The following KIAA1217 variants were observed in gnomAD, a reference collection of about 807,000 sequenced individuals.
KIAA1217 encodes the protein sickle tail protein homolog.
In KIAA1217, 88 loss-of-function variants were observed where a neutral mutation model predicts 163.9. That is an observed-to-expected ratio of 0.54 (90% CI 0.45 to 0.64). The LOEUF is 0.64. KIAA1217 is among the 30% of genes least tolerant of loss of function. KIAA1217 has a pLI of 0.00. For synonymous variants in KIAA1217, 903 were observed against 923.1 expected (o/e 0.98, Z 0.39); for missense variants, 2,372 against 2,475.0 (o/e 0.96, Z 0.88).
chr10:24,158,810 G>A (rs1267744729), intron 2 of KIAA1217: 2 of 428,510 alleles, frequency 4.7e-6, no homozygotes, highest in African/African-American at 2.1e-5. Context: ...CAAGGAGGAG[G>A]TTGTTACACT....
chr10:23,942,556 G>GC (rs1564552336), intron 1 of KIAA1217, among the ~76,000 whole-genome samples: 1 of 152,142 alleles, frequency 6.6e-6, no homozygotes, highest in Admixed American at 6.5e-5. Flanking sequence ...AGAAATAGTA[G>GC]CCCCCCAAAT....
intron 1 of KIAA1217, among the ~76,000 whole-genome samples, chr10:23,746,298 G>A (rs1839413260): frequency 6.6e-6 from 1 of 152,192 alleles, no homozygotes; most frequent in South Asian, 2.1e-4. Flanking sequence ...GCCATGAGTG[G>A]AAGCAGCTGA....
At chr10:24,462,440 G>A (rs570219420) in intron 5 of KIAA1217, among the ~76,000 whole-genome samples, 1 of 152,304 alleles carries the variant, frequency 6.6e-6, no homozygotes, top group South Asian at 2.1e-4. Context: ...GCGTGGGCAG[G>A]CATGAGGAAC....
intron 2 of KIAA1217, among the ~76,000 whole-genome samples, chr10:24,341,711 T>C (rs1048837035): frequency 1.3e-5 from 2 of 152,194 alleles, no homozygotes; most frequent in Non-Finnish European, 2.9e-5. Flanking sequence ...ATGAAACTGG[T>C]TTTCAGGAGA....
At chr10:23,873,468 TC>T (rs1267239695) in intron 1 of KIAA1217, among the ~76,000 whole-genome samples, 1 of 152,020 alleles carries the variant, frequency 6.6e-6, no homozygotes, top group Non-Finnish European at 1.5e-5. Context: ...ACATACTGCA[TC>T]CGGCCTTACT....
intron 1 of KIAA1217, among the ~76,000 whole-genome samples, chr10:23,724,776 A>G (rs1201689574): frequency 6.6e-6 from 1 of 152,204 alleles, no homozygotes; most frequent in African/African-American, 2.4e-5. Flanking sequence ...ATTTCCCTCC[A>G]TAATAGGTGT....
At chr10:24,046,917 A>C (rs1849073524) in intron 2 of KIAA1217, among the ~76,000 whole-genome samples, 1 of 152,238 alleles carries the variant, frequency 6.6e-6, no homozygotes, top group African/African-American at 2.4e-5. Context: ...ATAAGTTAAT[A>C]AAATGAGTTA....
chr10:24,263,171 C>T (rs1180305247), intron 2 of KIAA1217, among the ~76,000 whole-genome samples: 1 of 152,094 alleles, frequency 6.6e-6, no homozygotes, highest in African/African-American at 2.4e-5. Context: ...GGGCTTCATG[C>T]GCATTTCTCT....
chr10:24,430,568 C>A (rs993452401), intron 3 of KIAA1217, among the ~76,000 whole-genome samples: 1 of 151,866 alleles, frequency 6.6e-6, no homozygotes, highest in African/African-American at 2.4e-5. Flanking sequence ...TTATACAACG[C>A]ACCATAATGT....
At chr10:24,213,856 G>A in intron 1 of KIAA1217, among the ~76,000 whole-genome samples, 1 of 152,098 alleles carries the variant, frequency 6.6e-6, no homozygotes, top group South Asian at 2.1e-4. Flanking sequence ...TAATTTCTGT[G>A]CTGATTTGTA....
chr10:23,877,176 A>C (rs994158188), intron 1 of KIAA1217, among the ~76,000 whole-genome samples: 1 of 151,874 alleles, frequency 6.6e-6, no homozygotes, highest in Non-Finnish European at 1.5e-5. Flanking sequence ...TTTTTAAGTG[A>C]TACTGAAGTT....
At chr10:24,539,306 G>T (rs1323557619) in intron 17 of KIAA1217, among the ~76,000 whole-genome samples, 1 of 151,832 alleles carries the variant, frequency 6.6e-6, no homozygotes, top group African/African-American at 2.4e-5. Flanking sequence ...TCAGCTCACT[G>T]CAACCTCCCC....
rs911863660 is a variant in KIAA1217 at position 24,018,574 on chromosome 10, T to C, written c.-171+11200T>C. ...AAAGCATAATAATAATAAAAAATAA[T>C]AATAATAAATAAATAAATAAAATTA... On this transcript the variant is annotated intron_variant, in intron 2 of 18. Transcript: ENST00000376462. Among the ~76,000 whole-genome samples, 5 of 151,090 alleles carry C rather than the reference T, an allele frequency of 3.3e-5. No homozygotes were observed. The South Asian group carries it at 6.2e-4, about 19-fold the overall frequency.
chr10:24,523,012 G>A (rs963065873), intron 12 of KIAA1217, among the ~76,000 whole-genome samples: 4 of 151,634 alleles, frequency 2.6e-5, no homozygotes, highest in Admixed American at 1.3e-4. Flanking sequence ...AGATCACTGG[G>A]TGCAGTGGCA....
intron 1 of KIAA1217, among the ~76,000 whole-genome samples, chr10:23,883,282 G>A (rs983292443): frequency 1.3e-5 from 2 of 151,824 alleles, no homozygotes; most frequent in African/African-American, 2.4e-5. Flanking sequence ...TAAAGGAAAG[G>A]CATGAGACTA....
At chr10:24,112,012 G>T (rs2062867397) in intron 2 of KIAA1217, among the ~76,000 whole-genome samples, 1 of 152,022 alleles carries the variant, frequency 6.6e-6, no homozygotes, top group Non-Finnish European at 1.5e-5. Context: ...TGTTGCCCGG[G>T]CTGGTTTTAG....
chr10:23,986,398 A>G (rs985453027), intron 1 of KIAA1217, among the ~76,000 whole-genome samples: 1 of 152,226 alleles, frequency 6.6e-6, no homozygotes, highest in Non-Finnish European at 1.5e-5. Context: ...AAATCCACAG[A>G]TGCTCAAGTC....
intron 2 of KIAA1217, among the ~76,000 whole-genome samples, chr10:24,008,682 C>T (rs1417724534): frequency 4.6e-5 from 7 of 152,076 alleles, no homozygotes; most frequent in African/African-American, 1.7e-4. Context: ...CCTTTGTAAG[C>T]ATATGGATTC....
chr10:24,536,931 G>A (rs753247780), intron 17 of KIAA1217, 38 bp downstream of exon 17: 2 of 1,610,118 alleles, frequency 1.2e-6, no homozygotes, highest in East Asian at 2.2e-5. Flanking sequence ...ACGGTTGGGA[G>A]TCCTTCCTTC....
Sources: allele counts gnomAD v4.1 joint callset (sites outside exome capture counted in the v4.1 genomes callset), GRCh38; gene constraint gnomAD v4.1.1; transcripts MANE v1.5; gene names NCBI Gene and HGNC (gene_info 2026-07-23, HGNC 2026-07-21).